RBM25: variants seen among roughly 807,000 people sequenced by gnomAD.
RBM25 encodes the protein RNA-binding protein 25.
A neutral mutation model predicts 120.7 loss-of-function variants in RBM25; 19 were observed. The ratio of observed to expected loss-of-function variants is 0.16; its 90% CI spans 0.11 to 0.23. The LOEUF is 0.23. RBM25 is among the 10% of genes least tolerant of loss of function. The pLI is 1.00. For synonymous variants in RBM25, 390 were observed against 326.7 expected (o/e 1.19, Z -2.09); for missense variants, 605 against 1,041.5 (o/e 0.58, Z 5.77).
chr14:73,080,865 T>A (rs74483257), intron 4 of RBM25, among the ~76,000 whole-genome samples: 1 of 150,174 alleles, frequency 6.7e-6, no homozygotes, highest in Non-Finnish European at 1.5e-5. Context: ...CACTCTGTTA[T>A]CCAGGCTGGA....
At chr14:73,095,890 T>TGCACAACTATTGTA (rs1031183061) in intron 6 of RBM25, among the ~76,000 whole-genome samples, 3 of 152,212 alleles carry the variant, frequency 2.0e-5, no homozygotes, top group African/African-American at 2.4e-5. Context: ...CTTTGGGGCA[T>TGCACAACTATTGTA]GCACAACTAT....
rs764752743 is a variant in RBM25, at chr14:73,111,596, A to G, written c.2086A>G (p.Asn696Asp). Reference sequence around the variant, plus strand: ...GAAACTACCTGTAGATAGTGTCTTTAACAAATTTGAGGATGAAGACAGTGA... The same window carrying G: ...GAAACTACCTGTAGATAGTGTCTTTGACAAATTTGAGGATGAAGACAGTGA... The part of the protein sequence containing the change: ...RKKLPVDSVF[N>D]KFEDEDSDDV... The change falls in exon 16 of 19, where the codon AAC becomes GAC. Residue 696 changes from asparagine to aspartate, a missense_variant. Transcript: ENST00000261973. 6 of 1,613,972 alleles carry G rather than the reference A, an allele frequency of 3.7e-6. No individual in the cohort carries two copies. The Admixed American group carries it at 8.3e-5, about 22-fold the overall frequency.
At chr14:73,092,724 T>A (rs998804967) in intron 6 of RBM25, among the ~76,000 whole-genome samples, 2 of 151,992 alleles carry the variant, frequency 1.3e-5, no homozygotes, top group African/African-American at 4.8e-5. Context: ...CCCTCCCACC[T>A]GCCCCCCAAA....
rs1566605944 is a variant in RBM25 at position 73,122,275 on chromosome 14, T to TG, written c.*2474dup. On this transcript the variant is annotated 3_prime_UTR_variant, in exon 19 of 19. Transcript: ENST00000261973. ...TGAAAGTCTTTTTTTGTTGTTTTTTTGGGGTTTTTTTTTTTTTGAGAGGAA... is the reference window on the plus strand; with the variant it reads ...TGAAAGTCTTTTTTTGTTGTTTTTTTGGGGGTTTTTTTTTTTTTGAGAGGAA... 4 of 148,538 alleles carry TG rather than the reference T, an allele frequency of 2.7e-5. No individual in the cohort carries two copies. The highest frequency in any genetic ancestry group is 4.4e-5 in the Non-Finnish European group (3 of 67,504). 9.2% of individuals were successfully genotyped at this position (148,538 alleles called of 1,614,324 possible). A position where few individuals can be genotyped will look rare whatever the true frequency, so the allele number is the denominator to read the frequency against.
intron 1 of RBM25, among the ~76,000 whole-genome samples, chr14:73,067,067 ATTTTTTTTTT>A (rs375705058): frequency 7.6e-6 from 1 of 131,198 alleles, no homozygotes; most frequent in Non-Finnish European, 1.6e-5. Flanking sequence ...GATACATATA[ATTTTTTTTTT>A]TTTTTTTTTT....
chr14:73,093,169 A>T (rs1292662644), intron 6 of RBM25, among the ~76,000 whole-genome samples: 1 of 152,248 alleles, frequency 6.6e-6, no homozygotes, highest in Non-Finnish European at 1.5e-5. Flanking sequence ...CTGGAAAAAC[A>T]GTTATTCTCT....
At chr14:73,089,665 T>TTTTGTTTG (rs75923211) in intron 6 of RBM25, among the ~76,000 whole-genome samples, 44,054 of 145,388 alleles carry the variant, frequency 0.3, 6,719 homozygotes, top group African/African-American at 0.35. Flanking sequence ...AAATGTAGGG[T>TTTTGTTTG]TTTGTTTGTT....
In RBM25 at chr14:73,061,053, C is replaced by CT. The variant is rs752576871; in HGVS notation, c.-16+2362dup. Among the ~76,000 whole-genome samples, 627 of 142,116 alleles carry CT rather than the reference C, an allele frequency of 4.4e-3. 17 individuals carry two copies. Among genetic ancestry groups the CT allele is most frequent in the Middle Eastern group, 7.3e-3 (2 of 274 alleles). 93.2% of individuals were successfully genotyped at this position (142,116 alleles called of 152,430 possible). On this transcript the variant is annotated intron_variant, in intron 1 of 18. Transcript: ENST00000261973. ...TTGCCGATTTTTCTGAGTTGGTGTA[C>CT]TTTTTTTTTTTTTTCCTTTTTGGAG...
At chr14:73,106,741 T>C (rs1896197185) in intron 12 of RBM25, among the ~76,000 whole-genome samples, 2 of 152,292 alleles carry the variant, frequency 1.3e-5, no homozygotes, top group Middle Eastern at 6.8e-3. Context: ...TCTGCGTTTC[T>C]TAAAAACTAT....
chr14:73,115,057 A>G (rs1033965040), intron 18 of RBM25, among the ~76,000 whole-genome samples: 8 of 152,186 alleles, frequency 5.3e-5, no homozygotes, highest in Admixed American at 2.6e-4. Context: ...TGAATTAGAT[A>G]TGTAGAAAGG....
At chr14:73,098,014 A>G (rs1357169507) in intron 7 of RBM25, among the ~76,000 whole-genome samples, 1 of 152,228 alleles carries the variant, frequency 6.6e-6, no homozygotes, top group African/African-American at 2.4e-5. Flanking sequence ...ATGTAGTCCC[A>G]GCAACTTGGG....
chr14:73,069,662 A>T (rs536379894), intron 1 of RBM25, among the ~76,000 whole-genome samples: 1 of 145,176 alleles, frequency 6.9e-6, no homozygotes, highest in African/African-American at 2.5e-5. Flanking sequence ...TGAACTCCCA[A>T]CCTCAGGTCA....
rs543819254 is a variant in RBM25 at position 73,079,380 on chromosome 14, G to A, written c.324+1844G>A. 1.2e-3 allele frequency among the ~76,000 whole-genome samples: 181 copies of A among 150,786 alleles called. 2 individuals are homozygous for A. Among genetic ancestry groups the A allele is most frequent in the African/African-American group, 4.2e-3 (176 of 41,418 alleles). ...GGAGGTTGCAGTGAGTTGAGATGGC[G>A]CCACTGCACTCCAGCCTGGGTGACA... On this transcript the variant is annotated intron_variant, in intron 4 of 18. Transcript: ENST00000261973.
At chr14:73,099,589 A>T (rs1896019081) in intron 8 of RBM25, 78 bp from the exon 9 acceptor site, 10 of 1,586,512 alleles carry the variant, frequency 6.3e-6, no homozygotes. Flanking sequence ...AGACCTATAC[A>T]GAATATCTAA....
intron 9 of RBM25, chr14:73,101,414 C>T (rs1326964864): frequency 1.3e-5 from 2 of 151,990 alleles, no homozygotes; most frequent in Non-Finnish European, 2.9e-5. Context: ...TCATGACTTT[C>T]TTACATAATT....
chr14:73,076,224 C>T lies in RBM25; in HGVS notation c.107-95C>T, dbSNP rs780581598. ...CACTTTCATTTGTCTTATATTTCCA[C>T]TTATGTTAATTATGAGTAAGGATAC... On this transcript the variant is annotated intron_variant, in intron 2 of 18. Coordinates refer to ENST00000261973, the MANE Select transcript of RBM25 (RefSeq NM_021239.3). The T allele has an allele frequency of 1.0e-4, 103 of 1,011,464 alleles. 1 individual carries two copies. The highest frequency in any genetic ancestry group is 1.4e-4 in the Non-Finnish European group (93 of 645,022). 62.7% of individuals were successfully genotyped at this position (1,011,464 alleles called of 1,614,324 possible). A position where few individuals can be genotyped will look rare whatever the true frequency, so the allele number is the denominator to read the frequency against.
chr14:73,113,175 C>A (rs969792806), intron 17 of RBM25, among the ~76,000 whole-genome samples: 1 of 151,968 alleles, frequency 6.6e-6, no homozygotes, highest in Admixed American at 6.6e-5. Context: ...ATGTTCCCCT[C>A]CCTGTGTCCA....
chr14:73,103,574 T>C (rs566560910), intron 10 of RBM25, 96 bp downstream of exon 10: 7 of 1,480,330 alleles, frequency 4.7e-6, no homozygotes, highest in African/African-American at 1.4e-5. Flanking sequence ...ATGAGAACTT[T>C]TGTGTGTGTG....
At chr14:73,111,864 C>T (rs940033773) in intron 16 of RBM25, 62 bp downstream of exon 16, 93 of 1,478,282 alleles carry the variant, frequency 6.3e-5, no homozygotes, top group Non-Finnish European at 8.1e-5. Context: ...CATACAAATT[C>T]ATTTGAAGAA....
Sources: gnomAD v4.1 joint callset for allele counts (sites outside exome capture counted in the v4.1 genomes callset) on GRCh38, gnomAD v4.1.1 for gene constraint, MANE v1.5 for transcripts, NCBI Gene and HGNC (gene_info 2026-07-23, HGNC 2026-07-21) for gene names.